IFNGR1: variants seen among roughly 807,000 people sequenced by gnomAD.
IFNGR1 encodes interferon gamma receptor 1, also known as AVP, type 2.
A neutral mutation model predicts 35.4 loss-of-function variants in IFNGR1; 23 were observed. That is an observed-to-expected ratio of 0.65 (90% CI 0.47 to 0.92). IFNGR1 has a LOEUF of 0.92. Ranked by LOEUF, IFNGR1 falls within the 40% of genes least tolerant of loss-of-function variation. The pLI is 0.00. For synonymous variants in IFNGR1, 199 were observed against 209.5 expected, an observed-to-expected ratio of 0.95 and a Z score of 0.43; for missense variants, 533 against 583.4, an observed-to-expected ratio of 0.91 and a Z score of 0.89.
At chr6:137,201,649 G>A (rs1257588511) in intron 5 of IFNGR1, among the ~76,000 whole-genome samples, 2 of 151,786 alleles carry the variant, frequency 1.3e-5, no homozygotes, top group African/African-American at 4.8e-5. Context: ...CTCCAGCCTG[G>A]TGACAGAGCG....
rs746829359 is a variant in IFNGR1, at chr6:137,204,467, C to A, written c.411G>T (p.Glu137Asp). 1.2e-6 allele frequency: 2 copies of A among 1,613,872 alleles called. No homozygotes were observed. The highest frequency in any genetic ancestry group is 1.7e-5 in the Admixed American group (1 of 60,010). ...ATATGTCAATCATGATTTGCTTCTC[C>A]TCCTTTCTGATATCCAGTTTAGGTG... ...IGPPKLDIRK[E>D]EKQIMIDIFH... is the part of the protein sequence containing the mutation. The change falls in exon 4 of 7, where the codon GAG becomes GAT. Residue 137 changes from glutamate (E) to aspartate (D), a missense_variant. Glu to Asp is a conservative substitution (Grantham distance 45). Coordinates refer to ENST00000367739, the MANE Select transcript of IFNGR1 (RefSeq NM_000416.3).
intron 3 of IFNGR1, among the ~76,000 whole-genome samples, chr6:137,205,933 T>C (rs1336717279): frequency 6.6e-6 from 1 of 152,242 alleles, no homozygotes; most frequent in Non-Finnish European, 1.5e-5. Flanking sequence ...TTGAGTGCCA[T>C]GCTGGCGCTC....
intron 1 of IFNGR1, chr6:137,218,952 G>A (rs1243747959): frequency 3.9e-6 from 2 of 517,764 alleles, no homozygotes; most frequent in African/African-American, 1.9e-5. Flanking sequence ...ACGTCCTTCT[G>A]CAGCGCATAA....
At chr6:137,216,525 T>C (rs1035565969) in intron 1 of IFNGR1, among the ~76,000 whole-genome samples, 65 of 152,224 alleles carry the variant, frequency 4.3e-4, no homozygotes, top group African/African-American at 1.5e-3. Flanking sequence ...AGACTGACTA[T>C]ATCACCATAT....
chr6:137,203,558 C>T lies in IFNGR1; in HGVS notation c.674G>A (p.Gly225Asp). The change falls in exon 5 of 7, where the codon GGT becomes GAT. Residue 225 changes from glycine (G) to aspartate (D), a missense_variant. Transcript: ENST00000367739. ...VSAEGVLHVW[G>D]VTTEKSKEVC... ...TTCTTTTGACTTTTCAGTTGTAACA[C>T]CCCACACATGTAAGACTCCTTCTGC... is the stretch of plus-strand genomic sequence containing the variant. 6.2e-7 allele frequency: 1 copy of T among 1,613,432 alleles called. No individual in the cohort carries two copies. The highest frequency in any genetic ancestry group is 1.1e-5 in the South Asian group (1 of 91,058).
intron 3 of IFNGR1, 124 bp from the exon 4 acceptor site, chr6:137,204,628 C>G (rs1272772108): frequency 9.8e-6 from 8 of 820,272 alleles, no homozygotes; most frequent in Non-Finnish European, 1.6e-5. Flanking sequence ...TAAAGCAGGA[C>G]CACATTTAAA....
intron 1 of IFNGR1, among the ~76,000 whole-genome samples, chr6:137,217,512 G>A (rs963088350): frequency 1.3e-5 from 2 of 152,116 alleles, no homozygotes; most frequent in African/African-American, 4.8e-5. Context: ...CCTTTCCCTG[G>A]CATTTTGTTA....
chr6:137,205,274 G>A (rs969255115), intron 3 of IFNGR1, among the ~76,000 whole-genome samples: 1 of 152,184 alleles, frequency 6.6e-6, no homozygotes, highest in Non-Finnish European at 1.5e-5. Flanking sequence ...GCAGAGAAAG[G>A]AAGTGAGGCT....
rs1800563 is a variant in IFNGR1, at chr6:137,206,162, G to T, written c.347C>A (p.Ser116Ter). The change falls in exon 3 of 7, where the codon TCA becomes TAA. Residue 116 changes from serine to a stop codon, truncating the protein, a stop_gained. Coordinates refer to ENST00000367739, the MANE Select transcript of IFNGR1 (RefSeq NM_000416.3). LOFTEE classifies it high-confidence loss of function. ...ATCTCGGCATACAGCAAATTCTTCT[G>T]ACTTTGCATAGGCAGATTCTTTTTG... ...VGQKESAYAK[S>*]EEFAVCRDGK... is the part of the protein sequence containing the mutation. 6.2e-7 allele frequency: 1 copy of T among 1,614,082 alleles called. No homozygotes were observed. The highest frequency in any genetic ancestry group is 8.5e-7 in the Non-Finnish European group (1 of 1,179,952).
At position 137,213,671 on chromosome 6, in the gene IFNGR1, C is replaced by T. The variant is rs115236508; in HGVS notation, c.85+5572G>A. Among the ~76,000 whole-genome samples the T allele has an allele frequency of 1.1e-3, 172 of 152,272 alleles. 1 individual carries two copies. Among genetic ancestry groups the T allele is most frequent in the African/African-American group, 3.8e-3 (156 of 41,552 alleles). ...TATCGACGGGACCATAACAATGTCA[C>T]AAAGGACCAAAAAATAGCAGTCGTG... is the stretch of plus-strand genomic sequence containing the variant. On this transcript the variant is annotated intron_variant, in intron 1 of 6. Coordinates refer to ENST00000367739, the MANE Select transcript of IFNGR1 (RefSeq NM_000416.3).
At chr6:137,215,193 G>A (rs1779661305) in intron 1 of IFNGR1, 1 of 1,521,386 alleles carries the variant, frequency 6.6e-7, no homozygotes. Flanking sequence ...AATATGCAAA[G>A]TTTTGTTGGT....
chr6:137,215,732 G>C (rs1779681128), intron 1 of IFNGR1, among the ~76,000 whole-genome samples: 1 of 152,098 alleles, frequency 6.6e-6, no homozygotes. Context: ...AAACACGAGA[G>C]ACAGAGTCTT....
In IFNGR1 at chr6:137,198,546, C is replaced by G. The variant is rs1458502938; in HGVS notation, c.955G>C (p.Glu319Gln). The stretch of plus-strand genomic sequence containing the variant: ...GACAACGGCTCTTCACAGACCACCT[C>G]CTTTTCTAAGGAAAATGGCTGGTAT... ...TSYQPFSLEK[E>Q]VVCEEPLSPA... The change falls in exon 7 of 7, where the codon GAG becomes CAG. Residue 319 changes from glutamate (E) to glutamine (Q), a missense_variant. By Grantham distance (29) the Glu-to-Gln change is conservative. Coordinates refer to ENST00000367739, the MANE Select transcript of IFNGR1 (RefSeq NM_000416.3). 3.7e-6 allele frequency: 6 copies of G among 1,613,724 alleles called. No individual in the cohort carries two copies. The African/African-American group carries it at 8.0e-5, about 22-fold the overall frequency.
At chr6:137,203,814 T>C in intron 4 of IFNGR1, 129 bp from the exon 5 acceptor site, 1 of 752,642 alleles carries the variant, frequency 1.3e-6, no homozygotes, top group Non-Finnish European at 2.2e-6. Context: ...TGTCTAAAAA[T>C]AGCTTTACTA....
At chr6:137,217,862 T>C (rs1319841101) in intron 1 of IFNGR1, among the ~76,000 whole-genome samples, 1 of 152,212 alleles carries the variant, frequency 6.6e-6, no homozygotes, top group African/African-American at 2.4e-5. Flanking sequence ...AATAGAACGC[T>C]TAATATTCCA....
At chr6:137,206,816 A>T (rs936181503) in intron 2 of IFNGR1, 147 bp downstream of exon 2, 1 of 639,424 alleles carries the variant, frequency 1.6e-6, no homozygotes, top group African/African-American at 1.8e-5. Context: ...TTGGCAAAGA[A>T]TTTGCATCTT....
At chr6:137,216,891 A>G (rs559453022) in intron 1 of IFNGR1, among the ~76,000 whole-genome samples, 7 of 152,198 alleles carry the variant, frequency 4.6e-5, no homozygotes, top group Non-Finnish European at 8.8e-5. Context: ...AGGTACAGAG[A>G]CAAATTCAAA....
rs2114478167 is a variant in IFNGR1, at chr6:137,204,320, T to G, written c.546+12A>C. 19 of 1,610,850 alleles carry G rather than the reference T, an allele frequency of 1.2e-5. No individual in the cohort carries two copies. The highest frequency in any genetic ancestry group is 1.3e-5 in the Non-Finnish European group (15 of 1,177,108). On this transcript the variant is annotated intron_variant, in intron 4 of 6. Coordinates refer to ENST00000367739, the MANE Select transcript of IFNGR1 (RefSeq NM_000416.3). ...ACAAGAATTTCCATTATGAAAAATG[T>G]GAAACACATACCTCACTTCCGTTCA...
chr6:137,208,767 G>A (rs1309877830), intron 1 of IFNGR1, among the ~76,000 whole-genome samples: 1 of 152,236 alleles, frequency 6.6e-6, no homozygotes, highest in East Asian at 1.9e-4. Flanking sequence ...AGGCCAGTGT[G>A]GAAGGAAAAT....
Sources: allele counts gnomAD v4.1 joint callset (sites outside exome capture counted in the v4.1 genomes callset), GRCh38; gene constraint gnomAD v4.1.1; transcripts MANE v1.5; gene names NCBI Gene and HGNC (gene_info 2026-07-23, HGNC 2026-07-21).